Variants in ARID4B observed in about 807,000 individuals in gnomAD.
ARID4B encodes the protein AT-rich interaction domain 4B, also known as AT-rich interactive domain-containing protein 4B.
A neutral mutation model predicts 147.5 loss-of-function variants in ARID4B; 26 were observed. That is an observed-to-expected ratio of 0.18 (90% CI 0.13 to 0.24). The LOEUF (loss-of-function observed/expected upper bound fraction) is 0.24, where lower values mean the gene tolerates loss of function less well. ARID4B is among the 10% of genes least tolerant of loss of function. ARID4B has a pLI of 1.00. For synonymous variants in ARID4B, 512 were observed against 507.9 expected (o/e 1.01, Z -0.11); for missense variants, 1,179 against 1,511.5 (o/e 0.78, Z 3.65).
intron 20 of ARID4B, among the ~76,000 whole-genome samples, chr1:235,179,525 C>CA (rs61143006): frequency 0.044 from 2,105 of 48,010 alleles, 307 homozygotes; most frequent in African/African-American, 0.077. Flanking sequence ...CTCTATGTCT[C>CA]AAAAAAAAAA....
rs374992598 is a variant in ARID4B, at chr1:235,186,203, G to A, written c.2126-3410C>T. On this transcript the variant is annotated intron_variant, in intron 19 of 23. Transcript: ENST00000264183. Reference sequence around the variant, plus strand: ...AGGATGGTCTTGATTTCCTGACCTCGTGATCCGCCCACCTCAGCCTCCCAA... The same window carrying A: ...AGGATGGTCTTGATTTCCTGACCTCATGATCCGCCCACCTCAGCCTCCCAA... 6.6e-5 allele frequency among the ~76,000 whole-genome samples: 10 copies of A among 152,106 alleles called. No homozygotes were observed. The South Asian group carries it at 1.0e-3, about 16-fold the overall frequency.
chr1:235,303,999 A>T (rs1217330567), intron 2 of ARID4B, among the ~76,000 whole-genome samples: 1 of 152,244 alleles, frequency 6.6e-6, no homozygotes, highest in African/African-American at 2.4e-5. Context: ...TTAATAACAA[A>T]GCAAGCAATG....
At chr1:235,179,904 A>C (rs1226057680) in intron 20 of ARID4B, among the ~76,000 whole-genome samples, 2 of 151,624 alleles carry the variant, frequency 1.3e-5, no homozygotes, top group East Asian at 3.9e-4. Context: ...TGCCATCTCT[A>C]CTAAAAATAC....
Position 235,229,339 on chromosome 1 carries a change from A to G in ARID4B, c.789T>C (p.Ala263=). 1 of 1,613,834 alleles carries G rather than the reference A, an allele frequency of 6.2e-7. No homozygotes were observed. Among genetic ancestry groups the G allele is most frequent in the Non-Finnish European group, 8.5e-7 (1 of 1,179,898 alleles). ...CTTCTTTCAATTCAGTCTTCCAGTTAGCAGGAATAGTTCTACTTTTGTGAA... is the reference window on the plus strand; with the variant it reads ...CTTCTTTCAATTCAGTCTTCCAGTTGGCAGGAATAGTTCTACTTTTGTGAA... ...LEFHKSRTIP[A]NWKTELKEDS... The change falls in exon 11 of 24, where the codon GCT becomes GCC. Residue 263 remains alanine, a synonymous_variant. Coordinates refer to ENST00000264183, the MANE Select transcript of ARID4B (RefSeq NM_016374.6).
At position 235,308,981 on chromosome 1, in the gene ARID4B, G is replaced by T. The variant is rs796259571; in HGVS notation, c.6+17933C>A. 5.3e-5 allele frequency among the ~76,000 whole-genome samples: 8 copies of T among 150,644 alleles called. No homozygotes were observed. The South Asian group carries it at 1.3e-3, about 24-fold the overall frequency. ...CCCCTCTGCCTGGCTGCCCAGTCTG[G>T]AAAGTGACGAGCGTCTCTGCCCGGC... On this transcript the variant is annotated intron_variant, in intron 2 of 23. Coordinates refer to ENST00000264183, the MANE Select transcript of ARID4B (RefSeq NM_016374.6).
intron 21 of ARID4B, chr1:235,176,614 G>C (rs1299602412): frequency 4.0e-6 from 1 of 247,066 alleles, no homozygotes; most frequent in Non-Finnish European, 8.5e-6. Flanking sequence ...CCCCACTGCT[G>C]CTCTGGAACC....
At chr1:235,277,687 C>A (rs1271990503) in intron 2 of ARID4B, among the ~76,000 whole-genome samples, 1 of 148,444 alleles carries the variant, frequency 6.7e-6, no homozygotes, top group African/African-American at 2.5e-5. Flanking sequence ...CCTTGCCCAG[C>A]ATCTTTCAGG....
At chr1:235,189,953 C>CA (rs764837079) in intron 19 of ARID4B, 26 of 154,036 alleles carry the variant, frequency 1.7e-4, no homozygotes, top group Middle Eastern at 5.2e-4. Flanking sequence ...GAAAATCATT[C>CA]AAAAAAACTG....
chr1:235,239,220 C>A (rs144530119), intron 8 of ARID4B, among the ~76,000 whole-genome samples: 11 of 152,182 alleles, frequency 7.2e-5, no homozygotes, highest in African/African-American at 2.6e-4. Context: ...GATTTGCCCA[C>A]CTCGGCCTCC....
chr1:235,257,827 G>A (rs1670077642), intron 3 of ARID4B, among the ~76,000 whole-genome samples: 1 of 152,102 alleles, frequency 6.6e-6, no homozygotes, highest in Non-Finnish European at 1.5e-5. Flanking sequence ...GAATTTAGTT[G>A]TAAAATTGCT....
At chr1:235,315,107 A>G (rs1674338724) in intron 2 of ARID4B, among the ~76,000 whole-genome samples, 1 of 152,232 alleles carries the variant, frequency 6.6e-6, no homozygotes, top group Non-Finnish European at 1.5e-5. Flanking sequence ...TTAAATGAGA[A>G]AAGTCTACAT....
At chr1:235,311,671 G>C (rs1043755167) in intron 2 of ARID4B, among the ~76,000 whole-genome samples, 6 of 151,884 alleles carry the variant, frequency 4.0e-5, no homozygotes, top group Admixed American at 3.9e-4. Context: ...CTACTTGGGA[G>C]GCAGAAACAT....
intron 7 of ARID4B, 80 bp downstream of exon 7, chr1:235,246,340 A>G: frequency 2.5e-6 from 3 of 1,222,034 alleles, no homozygotes; most frequent in East Asian, 2.4e-5. Flanking sequence ...TTTGCAAATT[A>G]CAATTTTAAA....
At chr1:235,212,292 A>G (rs7536744) in intron 17 of ARID4B, among the ~76,000 whole-genome samples, 61 of 152,232 alleles carry the variant, frequency 4.0e-4, no homozygotes, top group African/African-American at 1.4e-3. Flanking sequence ...AAGAACCAAC[A>G]GGTGAAAGGA....
chr1:235,245,372 C>T (rs939606827), intron 7 of ARID4B, among the ~76,000 whole-genome samples: 130 of 152,054 alleles, frequency 8.5e-4, no homozygotes, highest in African/African-American at 2.9e-3. Context: ...AATTTTTAGT[C>T]ACATTTGCAG....
intron 19 of ARID4B, among the ~76,000 whole-genome samples, chr1:235,190,401 T>C (rs1665013128): frequency 6.6e-6 from 1 of 151,876 alleles, no homozygotes; most frequent in Admixed American, 6.6e-5. Context: ...TAAGCCAAAA[T>C]TGTGCCACTG....
At chr1:235,175,096 ACT>A (rs764426581) in intron 22 of ARID4B, 86 bp downstream of exon 22, 77 of 1,184,362 alleles carry the variant, frequency 6.5e-5, no homozygotes, top group Non-Finnish European at 8.7e-5. Context: ...ACAGAGCGAG[ACT>A]CTGTCTCTAA....
At chr1:235,216,182 A>T (rs1339148800) in intron 16 of ARID4B, among the ~76,000 whole-genome samples, 1 of 152,056 alleles carries the variant, frequency 6.6e-6, no homozygotes, top group Non-Finnish European at 1.5e-5. Context: ...ACTATAACAC[A>T]AATTCCTCAA....
chr1:235,219,297 A>C (rs1301438055), intron 16 of ARID4B, among the ~76,000 whole-genome samples: 1 of 152,224 alleles, frequency 6.6e-6, no homozygotes, highest in African/African-American at 2.4e-5. Flanking sequence ...GTCCACTAGC[A>C]GTGCATAAAT....
Sources: allele counts gnomAD v4.1 joint callset (sites outside exome capture counted in the v4.1 genomes callset), GRCh38; gene constraint gnomAD v4.1.1; transcripts MANE v1.5; gene names NCBI Gene and HGNC (gene_info 2026-07-23, HGNC 2026-07-21).